The following CHADL variants were observed in gnomAD, a reference collection of about 807,000 sequenced individuals.
CHADL encodes the protein chondroadherin like, also known as chondroadherin-like protein.
Under a neutral mutation model 52.1 loss-of-function variants are expected in CHADL, and 48 were observed. That is an observed-to-expected ratio of 0.92 (90% CI 0.73 to 1.17). The LOEUF is 1.17. CHADL is among the 50% of genes most tolerant of loss of function. The pLI is 0.00. For missense variants in CHADL, 977 were observed against 1,035.1 expected (o/e 0.94, Z 0.77); for synonymous variants, 498 against 511.2 (o/e 0.97, Z 0.35).
At position 41,236,667 on chromosome 22, in the gene CHADL, G is replaced by A; in HGVS notation, c.1897-17C>T. On this transcript the variant is annotated splice_polypyrimidine_tract_variant and intron_variant, in intron 3 of 5. Transcript: ENST00000216241. ...AGGACAAATCTGCAAGGAGTTGCCA[G>A]GCCCCAATGTGAGCTCCTGGCAGAG... The A allele has an allele frequency of 1.3e-6, 2 of 1,541,990 alleles. No homozygotes were observed. The highest frequency in any genetic ancestry group is 1.4e-5 in the African/African-American group (1 of 72,948).
rs1398360784 is a variant in CHADL at position 41,237,755 on chromosome 22, C to T, written c.1317G>A (p.Ser439=). 1.3e-6 allele frequency: 2 copies of T among 1,538,870 alleles called. No individual in the cohort carries two copies. Among genetic ancestry groups the T allele is most frequent in the Non-Finnish European group, 1.8e-6 (2 of 1,142,290 alleles). ...GGCCGGGGAAGGCCGCTCGGGGCAC[C>T]GAGGGGAAGTGGTTCCGCCTCAGGT... ...LLDLRRNHFP[S]VPRAAFPGLG... Residue 439 remains serine, a synonymous_variant, in exon 3 of 6, where the codon TCG becomes TCA. Coordinates refer to ENST00000216241, the MANE Select transcript of CHADL (RefSeq NM_138481.2).
Position 41,238,187 on chromosome 22 carries a change from C to A in CHADL, c.885G>T (p.Pro295=). Residue 295 remains proline (P), a synonymous_variant, in exon 3 of 6, where the codon CCG becomes CCT. Transcript: ENST00000216241. The surrounding 1 kb of genome is among the most constrained non-coding windows in gnomAD (Gnocchi z 4.9). The part of the protein sequence containing the change: ...LRGNQLDTLP[P]LQGPGQLRRL... ...GGCGCAGCTGGCCCGGGCCCTGCAG[C>A]GGGGGCAGGGTGTCTAGCTGGTTCC... The A allele has an allele frequency of 8.6e-6, 13 of 1,507,214 alleles. No homozygotes were observed. Among genetic ancestry groups the A allele is most frequent in the Non-Finnish European group, 1.1e-5 (13 of 1,135,526 alleles). The allele number at this position is 1,507,214 out of a possible 1,614,324, so 93.4% of individuals were successfully genotyped here.
At chr22:41,237,084 A>T (rs2032756960) in intron 3 of CHADL, 92 bp downstream of exon 3, 1 of 1,335,534 alleles carries the variant, frequency 7.5e-7, no homozygotes, top group Non-Finnish European at 1.0e-6. Flanking sequence ...ACCTGGCACC[A>T]AGGGGCTGGC....
chr22:41,233,547 A>T (rs1457123480), intron 5 of CHADL, among the ~76,000 whole-genome samples: 1 of 152,168 alleles, frequency 6.6e-6, no homozygotes, highest in Non-Finnish European at 1.5e-5. Context: ...GAAGGTTGGG[A>T]CAGAGATGGA....
chr22:41,237,397 C>G lies in CHADL; in HGVS notation c.1675G>C (p.Glu559Gln). The change falls in exon 3 of 6, where the codon GAA becomes CAA. Residue 559 changes from glutamate to glutamine, a missense_variant. Transcript: ENST00000216241. ...GGGCCCAGCGCCCCAAGGGACACTT[C>G]GGTGATGCGGTTTCCACTCAGGTAG... The part of the protein sequence containing the change: ...WVYLSGNRIT[E>Q]VSLGALGPAR... 6.4e-7 allele frequency: 1 copy of G among 1,550,626 alleles called. No homozygotes were observed. Among genetic ancestry groups the G allele is most frequent in the Non-Finnish European group, 8.7e-7 (1 of 1,146,960 alleles).
At position 41,238,686 on chromosome 22, in the gene CHADL, G is replaced by C. The variant is rs1490870086; in HGVS notation, c.386C>G (p.Ala129Gly). The change falls in exon 3 of 6, where the codon GCG (alanine) becomes GGG (glycine). Residue 129 changes from alanine to glycine, a missense_variant. Physicochemically the swap from Ala to Gly is moderately conservative, Grantham distance 60. Coordinates refer to ENST00000216241, the MANE Select transcript of CHADL (RefSeq NM_138481.2). The surrounding 1 kb of genome is among the most constrained non-coding windows in gnomAD (Gnocchi z 4.9). ...SNHLRELPQE[A>G]LDGLGSLRRL... The stretch of plus-strand genomic sequence containing the variant: ...CCGCAACGAGCCCAGCCCGTCCAGC[G>C]CCTCCTGGGGCAGCTCACGCAGGTG... 6.5e-7 allele frequency: 1 copy of C among 1,545,790 alleles called. No individual in the cohort carries two copies.
At position 41,237,507 on chromosome 22, in the gene CHADL, C is replaced by G. The variant is rs1376427771; in HGVS notation, c.1565G>C (p.Ser522Thr). 6.4e-7 allele frequency: 1 copy of G among 1,550,496 alleles called. No homozygotes were observed. The highest frequency in any genetic ancestry group is 2.4e-5 in the East Asian group (1 of 40,916). ...VPGAALRALP[S>T]LFSLHLQDNA... is the part of the protein sequence containing the mutation. ...GTCCTGCAGGTGCAGGGAGAAGAGG[C>G]TGGGCAGGGCGCGCAGGGCAGCCCC... The change falls in exon 3 of 6, where the codon AGC becomes ACC. Residue 522 changes from serine (S) to threonine (T), a missense_variant. Physicochemically the swap from Ser to Thr is moderately conservative, Grantham distance 58. Transcript: ENST00000216241.
chr22:41,230,178 C>A (rs375467908), intron 5 of CHADL: 11 of 1,578,792 alleles, frequency 7.0e-6, no homozygotes, highest in Non-Finnish European at 7.8e-6. Context: ...CTAGACGTGG[C>A]CTCGCCCGAC....
In CHADL at chr22:41,238,373, G is replaced by A. The variant is rs1200355476; in HGVS notation, c.699C>T (p.Ala233=). Residue 233 remains alanine (A), a synonymous_variant, in exon 3 of 6, where the codon GCC becomes GCT. Transcript: ENST00000216241. This position sits in a 1 kb window ranked among gnomAD's most constrained non-coding sequence, Gnocchi z 4.9. ...GCGGGTTGTGGCCCAGCTCCAGACG[G>A]GCCAGGCCGCGGGCCTGGGACAAGA... ...GPVLSQARGL[A]RLELGHNPLT... is the part of the protein sequence containing the mutation. 6.7e-7 allele frequency: 1 copy of A among 1,497,614 alleles called. No individual in the cohort carries two copies. The highest frequency in any genetic ancestry group is 1.3e-5 in the South Asian group (1 of 78,702). The allele number at this position is 1,497,614 out of a possible 1,614,324, so 92.8% of individuals were successfully genotyped here.
intron 2 of CHADL, 123 bp from the exon 3 acceptor site, chr22:41,239,008 CCT>C (rs929233253): frequency 9.5e-6 from 12 of 1,266,012 alleles, no homozygotes; most frequent in South Asian, 6.2e-5. Flanking sequence ...TCATCCGACC[CCT>C]GACACCTCCT....
rs1345153278 is a variant in CHADL at position 41,238,989 on chromosome 22, T to C, written c.187-104A>G. The C allele has an allele frequency of 4.9e-5, 69 of 1,397,378 alleles. No individual in the cohort carries two copies. Among genetic ancestry groups the C allele is most frequent in the Non-Finnish European group, 6.0e-5 (64 of 1,058,600 alleles). The allele number at this position is 1,397,378 out of a possible 1,614,324, so 86.6% of individuals were successfully genotyped here. A position where few individuals can be genotyped will look rare whatever the true frequency, so the allele number is the denominator to read the frequency against. On this transcript the variant is annotated intron_variant, in intron 2 of 5. Transcript: ENST00000216241. This position sits in a 1 kb window ranked among gnomAD's most constrained non-coding sequence, Gnocchi z 4.9. The stretch of plus-strand genomic sequence containing the variant: ...CTCTTTTCTCCTGTCACCTTTCCCA[T>C]ATTTCTCTTCATCCGACCCCTGACA...
At chr22:41,236,698 C>G (rs982160179) in intron 3 of CHADL, 48 bp from the exon 4 acceptor site, 4 of 1,500,280 alleles carry the variant, frequency 2.7e-6, no homozygotes, top group Non-Finnish European at 3.6e-6. Flanking sequence ...CAGAGCTGTC[C>G]CACCCCCAAG....
At chr22:41,240,708 A>C in intron 1 of CHADL, 166 bp downstream of exon 1, 1 of 717,398 alleles carries the variant, frequency 1.4e-6, no homozygotes, top group South Asian at 1.8e-5. Flanking sequence ...CCACATTGCC[A>C]CGTGTCTCAG....
chr22:41,236,277 C>G (rs147401408), intron 4 of CHADL, among the ~76,000 whole-genome samples: 2 of 152,328 alleles, frequency 1.3e-5, no homozygotes, highest in Non-Finnish European at 2.9e-5. Flanking sequence ...ATGATGAAAT[C>G]AAGGCTCAGA....
At chr22:41,237,141 T>C in intron 3 of CHADL, 35 bp downstream of exon 3, 1 of 1,510,294 alleles carries the variant, frequency 6.6e-7, no homozygotes. Flanking sequence ...TTGTGCCGCC[T>C]CCTGCACCAA....
intron 2 of CHADL, among the ~76,000 whole-genome samples, 193 bp from the exon 3 acceptor site, chr22:41,239,078 T>C (rs545644675): frequency 4.9e-4 from 74 of 152,312 alleles, no homozygotes; most frequent in African/African-American, 1.7e-3. Context: ...TTTTTCACAC[T>C]GTGCTGTCCC....
In CHADL at chr22:41,236,467, T is replaced by G; in HGVS notation, c.2063+17A>C. 6.5e-7 allele frequency: 1 copy of G among 1,547,130 alleles called. No individual in the cohort carries two copies. The highest frequency in any genetic ancestry group is 8.7e-7 in the Non-Finnish European group (1 of 1,144,052). On this transcript the variant is annotated intron_variant, in intron 4 of 5. Transcript: ENST00000216241. ...GCTGGGTGGTCTTTGGCTGGAGGTC[T>G]AGGTGGGGGTGCCCACCTGTGCAGC...
Position 41,236,386 on chromosome 22 carries a change from C to G in CHADL, c.2063+98G>C. ...GACCCGCCCCTCCCCACAAGCTGCTCGGATGGGCATGGACATGGTGTGCCT... is the reference window on the plus strand; with the variant it reads ...GACCCGCCCCTCCCCACAAGCTGCTGGGATGGGCATGGACATGGTGTGCCT... On this transcript the variant is annotated intron_variant, in intron 4 of 5. Transcript: ENST00000216241. 3.6e-6 allele frequency: 4 copies of G among 1,117,038 alleles called. No individual in the cohort carries two copies. The South Asian group carries it at 6.0e-5, about 17-fold the overall frequency. The allele number at this position is 1,117,038 out of a possible 1,614,324, so 69.2% of individuals were successfully genotyped here. A position where few individuals can be genotyped will look rare whatever the true frequency, so the allele number is the denominator to read the frequency against.
chr22:41,232,202 G>GGTGC (rs2032624167), intron 5 of CHADL, among the ~76,000 whole-genome samples: 4 of 151,924 alleles, frequency 2.6e-5, no homozygotes, highest in Non-Finnish European at 5.9e-5. Context: ...CGTGGTGGCA[G>GGTGC]TCACCTGTAA....
Sources: gnomAD v4.1 joint callset for allele counts (sites outside exome capture counted in the v4.1 genomes callset) on GRCh38, gnomAD v4.1.1 for gene constraint, Gnocchi (gnomAD v3.1) non-coding constraint, MANE v1.5 for transcripts, NCBI Gene and HGNC (gene_info 2026-07-23, HGNC 2026-07-21) for gene names.